Variants in CHD8 observed in about 807,000 individuals in gnomAD.
CHD8 encodes chromodomain helicase DNA binding protein 8, also known as ATP-dependent chromatin remodeler CHD8.
A neutral mutation model predicts 279.2 loss-of-function variants in CHD8; 31 were observed. That is an observed-to-expected ratio of 0.11 (90% CI 0.08 to 0.15). CHD8 has a LOEUF of 0.15. CHD8 is among the 10% of genes least tolerant of loss of function. The pLI, the probability that CHD8 is intolerant of heterozygous loss-of-function variation, is 1.00. For missense variants in CHD8, 2,146 were observed against 3,230.5 expected (o/e 0.66, Z 8.14); for synonymous variants, 1,081 against 1,139.6 (o/e 0.95, Z 1.04).
chr14:21,404,921 T>TA, intron 16 of CHD8: 1 of 314,602 alleles, frequency 3.2e-6, no homozygotes, highest in Non-Finnish European at 5.8e-6. Context: ...AACCTCTGCC[T>TA]TCTGGGTTCA....
intron 1 of CHD8, chr14:21,436,772 G>C: frequency 2.7e-6 from 1 of 375,520 alleles, no homozygotes; most frequent in Non-Finnish European, 5.2e-6. Context: ...TGTATTTTCA[G>C]GGGGTAAAGA....
chr14:21,449,331 A>C (rs1245924944), intron 1 of CHD8, among the ~76,000 whole-genome samples: 1 of 152,166 alleles, frequency 6.6e-6, no homozygotes, highest in Admixed American at 6.5e-5. Context: ...CATACATTTC[A>C]GTTATTCTTA....
Position 21,428,198 on chromosome 14 carries a change from G to A in CHD8, c.1272C>T (p.Ala424=), listed in dbSNP as rs549112452. The change falls in exon 4 of 38, where the codon GCC becomes GCT. Residue 424 remains alanine, a synonymous_variant. Coordinates refer to ENST00000646647, the MANE Select transcript of CHD8 (RefSeq NM_001170629.2). ...SGLSVVKVLS[A]SEVAALSSPA... is the part of the protein sequence containing the mutation. Reference sequence around the variant, plus strand: ...GTGATGACAAAGCTGCCACTTCACTGGCACTCAGAACTTTAACTACAGAGA... The same window carrying A: ...GTGATGACAAAGCTGCCACTTCACTAGCACTCAGAACTTTAACTACAGAGA... 1.1e-5 allele frequency: 18 copies of A among 1,613,970 alleles called. 2 individuals are homozygous for A. The African/African-American group carries it at 1.2e-4, about 11-fold the overall frequency.
At chr14:21,395,694 G>T (rs1887752859) in intron 28 of CHD8, 123 bp downstream of exon 28, 2 of 699,606 alleles carry the variant, frequency 2.9e-6, no homozygotes, top group Non-Finnish European at 5.0e-6. Context: ...TTCTCAAATG[G>T]TATAATTCAT....
At chr14:21,407,981 C>T (rs903687604) in intron 13 of CHD8, among the ~76,000 whole-genome samples, 2 of 152,108 alleles carry the variant, frequency 1.3e-5, no homozygotes, top group Admixed American at 6.5e-5. Context: ...AGCTCACCAC[C>T]GCATGGATTA....
chr14:21,386,732 G>C (rs377314632), intron 37 of CHD8, among the ~76,000 whole-genome samples: 2 of 152,012 alleles, frequency 1.3e-5, no homozygotes, highest in Non-Finnish European at 2.9e-5. Flanking sequence ...ACAGCTACTC[G>C]GGAGGCTGAG....
intron 1 of CHD8, among the ~76,000 whole-genome samples, chr14:21,443,923 T>C (rs753537940): frequency 2.6e-4 from 40 of 152,108 alleles, no homozygotes; most frequent in Non-Finnish European, 5.1e-4. Context: ...TGAAAGCCTT[T>C]CTGATACCTA....
chr14:21,385,584 G>C lies in CHD8; in HGVS notation c.*29C>G. 6.5e-7 allele frequency: 1 copy of C among 1,535,634 alleles called. No homozygotes were observed. The highest frequency in any genetic ancestry group is 8.8e-7 in the Non-Finnish European group (1 of 1,138,998). On this transcript the variant is annotated 3_prime_UTR_variant, in exon 38 of 38. Transcript: ENST00000646647. ...CAGAGTAAATGAAAATACAGCAGCC[G>C]CCCAAGCAATGGGGCCCATGCTGGG...
chr14:21,403,103 G>T lies in CHD8; in HGVS notation c.3628C>A (p.Arg1210=). 6.2e-7 allele frequency: 1 copy of T among 1,614,032 alleles called. No homozygotes were observed. Among genetic ancestry groups the T allele is most frequent in the South Asian group, 1.1e-5 (1 of 91,086 alleles). Residue 1210 remains arginine, a synonymous_variant, in exon 18 of 38, where the codon CGG becomes AGG. Transcript: ENST00000646647. The surrounding 1 kb of genome is among the most constrained non-coding windows in gnomAD (Gnocchi z 4.3). ...SDRFVFLLCT[R]AGGLGINLTA... is the part of the protein sequence containing the mutation. ...AGATTAATACCAAGTCCACCAGCCC[G>T]GGTACACAGTAAGAAGACAAAGCGG... is the stretch of plus-strand genomic sequence containing the variant.
At chr14:21,409,342 T>C (rs1176165053) in intron 11 of CHD8, among the ~76,000 whole-genome samples, 2 of 152,092 alleles carry the variant, frequency 1.3e-5, no homozygotes, top group Non-Finnish European at 2.9e-5. Flanking sequence ...GATTTCTTCA[T>C]GAGAAAATTA....
At chr14:21,441,844 G>C (rs1255701601) in intron 1 of CHD8, among the ~76,000 whole-genome samples, 6 of 152,078 alleles carry the variant, frequency 3.9e-5, no homozygotes, top group South Asian at 4.1e-4. Flanking sequence ...AGCCAAGATT[G>C]CGCCACTGCA....
intron 33 of CHD8, 67 bp from the exon 34 acceptor site, chr14:21,392,876 T>A: frequency 6.7e-7 from 1 of 1,481,958 alleles, no homozygotes; most frequent in Non-Finnish European, 9.3e-7. Context: ...CCTGTGATAC[T>A]CAATAGTGCC....
rs189717960 is a variant in CHD8, at chr14:21,400,630, A to G, written c.4371-18T>C. ...GTCCCCAACTAAAAAACAGAAAACTATATTAACATTTTTCTGAGAAATGAC... is the reference window on the plus strand; with the variant it reads ...GTCCCCAACTAAAAAACAGAAAACTGTATTAACATTTTTCTGAGAAATGAC... On this transcript the variant is annotated intron_variant, in intron 22 of 37. Transcript: ENST00000646647. This position sits in a 1 kb window ranked among gnomAD's most constrained non-coding sequence, Gnocchi z 4.2. The G allele has an allele frequency of 8.1e-5, 126 of 1,549,450 alleles. 1 individual carries two copies. The highest frequency in any genetic ancestry group is 3.5e-4 in the Middle Eastern group (2 of 5,750).
At position 21,431,814 on chromosome 14, in the gene CHD8, C is replaced by G; in HGVS notation, c.-171G>C. On this transcript the variant is annotated 5_prime_UTR_variant, in exon 2 of 38. The change abolishes an upstream ATG in the 5' untranslated region. Transcript: ENST00000646647. ...GTGCATGTCAGATTGTCCTGACCTT[C>G]ATGGAGCAAGATGGCTACGTCTTCA... is the stretch of plus-strand genomic sequence containing the variant. 1 of 1,613,686 alleles carries G rather than the reference C, an allele frequency of 6.2e-7. No individual in the cohort carries two copies. Among genetic ancestry groups the G allele is most frequent in the African/African-American group, 1.3e-5 (1 of 75,026 alleles).
At chr14:21,422,848 G>C (rs1483407883) in intron 5 of CHD8, among the ~76,000 whole-genome samples, 1 of 152,116 alleles carries the variant, frequency 6.6e-6, no homozygotes, top group African/African-American at 2.4e-5. Flanking sequence ...AAAATTGCTC[G>C]AACCTGGGAG....
intron 10 of CHD8, among the ~76,000 whole-genome samples, chr14:21,412,703 A>G (rs887140571): frequency 2.0e-5 from 3 of 151,750 alleles, no homozygotes; most frequent in Non-Finnish European, 2.9e-5. Flanking sequence ...CTTAGCCTCT[A>G]CATGTCTGAC....
intron 1 of CHD8, among the ~76,000 whole-genome samples, chr14:21,450,018 CAAG>C (rs1890220142): frequency 2.0e-5 from 3 of 152,128 alleles, no homozygotes; most frequent in African/African-American, 7.2e-5. Flanking sequence ...GGAGGAAAAA[CAAG>C]AATGACTGAG....
Position 21,391,041 on chromosome 14 carries a change from T to G in CHD8, c.7088A>C (p.Gln2363Pro), listed in dbSNP as rs778041888. 6.3e-5 allele frequency: 100 copies of G among 1,588,644 alleles called. No individual in the cohort carries two copies. The highest frequency in any genetic ancestry group is 8.5e-5 in the Non-Finnish European group (99 of 1,166,132). Residue 2363 changes from glutamine (Q) to proline (P), a missense_variant, in exon 37 of 38, where the codon CAG becomes CCG. Gln to Pro is a moderately conservative substitution (Grantham distance 76). Around this residue, in one of 26 missense-constraint regions of CHD8, gnomAD observed 336 missense variants for 392.9 expected, o/e 0.86. Coordinates refer to ENST00000646647, the MANE Select transcript of CHD8 (RefSeq NM_001170629.2). Reference sequence around the variant, plus strand: ...ATTTTTTTTACATCTTTGCCACTTCTGTTTTCTGCGATCCTCCATATACTG... The same window carrying G: ...ATTTTTTTTACATCTTTGCCACTTCGGTTTTCTGCGATCCTCCATATACTG... ...FLAYMEDRRK[Q>P]KWQRCKKNNK...
chr14:21,387,574 C>T (rs916221430), intron 37 of CHD8, among the ~76,000 whole-genome samples: 4 of 144,192 alleles, frequency 2.8e-5, no homozygotes, highest in African/African-American at 5.2e-5. Context: ...GCGGAGATCG[C>T]GGTGAGCAGA....
Sources: allele counts gnomAD v4.1 joint callset (sites outside exome capture counted in the v4.1 genomes callset), GRCh38; gene constraint gnomAD v4.1.1; regional missense constraint gnomAD v4.1.1; non-coding constraint Gnocchi (gnomAD v3.1); transcripts MANE v1.5; gene names NCBI Gene and HGNC (gene_info 2026-07-23, HGNC 2026-07-21).